Variants in FAM186B observed in about 807,000 individuals in gnomAD.
FAM186B encodes the protein family with sequence similarity 186 member B, also known as protein FAM186B.
FAM186B carries 68 observed loss-of-function variants against 83.4 expected under a neutral mutation model. The observed-to-expected ratio is 0.81, with a 90% CI of 0.67 to 1.00. The LOEUF (loss-of-function observed/expected upper bound fraction) is 1.00. Ranked by LOEUF, FAM186B falls within the 50% of genes least tolerant of loss-of-function variation. The probability of loss-of-function intolerance (pLI) is 0.00; values close to 1 mark genes in which losing one functional copy is unlikely to be tolerated. For missense variants in FAM186B, 983 were observed against 1,099.2 expected (o/e 0.89, Z 1.49); for synonymous variants, 389 against 422.0 (o/e 0.92, Z 0.96).
chr12:49,600,801 TG>T lies in FAM186B; in HGVS notation c.838del (p.Gln280SerfsTer15). ...KELSSQRLHF[Q>X]QFMEVLESRR... ...GCTCTCAAGGACCTCCATGAACTGC[TG>T]GAAGTGCAGCCTCTGGCTGCTGAGC... On this transcript the variant is annotated frameshift_variant, in exon 4 of 7. Transcript: ENST00000257894. LOFTEE classifies it high-confidence loss of function. The surrounding 1 kb of genome is among the most constrained non-coding windows in gnomAD (Gnocchi z 4.3). The T allele has an allele frequency of 6.2e-7, 1 of 1,612,202 alleles. No individual in the cohort carries two copies. Among genetic ancestry groups the T allele is most frequent in the Non-Finnish European group, 8.5e-7 (1 of 1,178,856 alleles).
downstream of FAM186B, among the ~76,000 whole-genome samples, chr12:49,585,379 C>CA (rs1243516948): frequency 6.6e-6 from 1 of 152,158 alleles, no homozygotes; most frequent in Non-Finnish European, 1.5e-5. Context: ...GCATAGCACT[C>CA]AGAGTCAAGG....
upstream of FAM186B, among the ~76,000 whole-genome samples, chr12:49,607,073 C>T (rs1025632255): frequency 4.0e-5 from 6 of 151,708 alleles, no homozygotes; most frequent in African/African-American, 9.7e-5. Flanking sequence ...TACTTTGAAC[C>T]GAGCAAAAAT....
At chr12:49,620,189 T>C in the FAM186B span, among the ~76,000 whole-genome samples, 1 of 152,308 alleles carries the variant, frequency 6.6e-6, no homozygotes, top group East Asian at 1.9e-4. Context: ...TGTTGAAATG[T>C]CCACCTTCTT....
chr12:49,588,559 C>T lies in FAM186B; in HGVS notation c.2429G>A (p.Cys810Tyr), dbSNP rs76361899. 6.2e-7 allele frequency: 1 copy of T among 1,612,212 alleles called. No individual in the cohort carries two copies. Among genetic ancestry groups the T allele is most frequent in the African/African-American group, 1.3e-5 (1 of 75,022 alleles). ...PEVTSPKPKK[C>Y]KLPAASPRHI... Reference sequence around the variant, plus strand: ...CCGGGGTGAGGCTGCAGGCAACTTGCATTTCTTTGGCTTTGGCGAGGTGAC... The same window carrying T: ...CCGGGGTGAGGCTGCAGGCAACTTGTATTTCTTTGGCTTTGGCGAGGTGAC... Residue 810 changes from cysteine to tyrosine, a missense_variant, in exon 6 of 7, where the codon TGC becomes TAC. By Grantham distance (194) the Cys-to-Tyr change is radical. Coordinates refer to ENST00000257894, the MANE Select transcript of FAM186B (RefSeq NM_032130.3).
chr12:49,588,524 G>T lies in FAM186B; in HGVS notation c.2464C>A (p.Pro822Thr). ...LPAASPRHIR[P>T]SGPTYKQPFL... ...GGCTGCTTGTAGGTGGGGCCACTGG[G>T]GCGGATGTGCCGGGGTGAGGCTGCA... The change falls in exon 6 of 7, where the codon CCC becomes ACC. Residue 822 changes from proline to threonine, a missense_variant. Physicochemically the swap from Pro to Thr is conservative, Grantham distance 38. Transcript: ENST00000257894. 1 of 1,613,510 alleles carries T rather than the reference G, an allele frequency of 6.2e-7. No individual in the cohort carries two copies. The highest frequency in any genetic ancestry group is 8.5e-7 in the Non-Finnish European group (1 of 1,179,732).
At chr12:49,621,680 T>A in the FAM186B span, among the ~76,000 whole-genome samples, 16 of 152,220 alleles carry the variant, frequency 1.1e-4, no homozygotes, top group Non-Finnish European at 1.8e-4. Flanking sequence ...TAAAAGTTTG[T>A]GCAGGAAAAA....
At chr12:49,616,788 T>G in the FAM186B span, among the ~76,000 whole-genome samples, 2 of 152,220 alleles carry the variant, frequency 1.3e-5, no homozygotes, top group African/African-American at 2.4e-5. Flanking sequence ...GATGGTCACA[T>G]GACTGGATAC....
At chr12:49,610,426 A>G (rs1940072323), upstream of FAM186B, among the ~76,000 whole-genome samples, 1 of 152,244 alleles carries the variant, frequency 6.6e-6, no homozygotes, top group African/African-American at 2.4e-5. Context: ...AACCTAAAGA[A>G]ACTTCTAAAG....
upstream of FAM186B, among the ~76,000 whole-genome samples, chr12:49,607,420 A>G (rs1166322627): frequency 1.3e-5 from 2 of 152,124 alleles, no homozygotes; most frequent in African/African-American, 4.8e-5. Context: ...TAAAGTTGGT[A>G]AATTAGATGA....
chr12:49,600,071 C>T lies in FAM186B; in HGVS notation c.1569G>A (p.Leu523=). The change falls in exon 4 of 7, where the codon CTG becomes CTA. Residue 523 remains leucine, a synonymous_variant. Coordinates refer to ENST00000257894, the MANE Select transcript of FAM186B (RefSeq NM_032130.3). This position sits in a 1 kb window ranked among gnomAD's most constrained non-coding sequence, Gnocchi z 4.3. ...GCTGTTGCTCCCTGGCCAGGTCTTC[C>T]AGATTCCACTGCCGCAGCTTCTCCT... The part of the protein sequence containing the change: ...EHQEKLRQWN[L]EDLAREQQRR... The T allele has an allele frequency of 6.8e-6, 11 of 1,607,144 alleles. No homozygotes were observed. The highest frequency in any genetic ancestry group is 9.3e-6 in the Non-Finnish European group (11 of 1,176,474).
chr12:49,612,258 T>A, the FAM186B span, among the ~76,000 whole-genome samples: 2 of 151,942 alleles, frequency 1.3e-5, no homozygotes, highest in Admixed American at 1.3e-4. Context: ...CACATAATGA[T>A]ACCAACAGGC....
intron 5 of FAM186B, among the ~76,000 whole-genome samples, chr12:49,590,505 G>A (rs1435446759): frequency 6.6e-6 from 1 of 152,062 alleles, no homozygotes; most frequent in Non-Finnish European, 1.5e-5. Flanking sequence ...TAACATCTTG[G>A]GATTTATTTG....
In FAM186B at chr12:49,599,990, C is replaced by A. The variant is rs954448103; in HGVS notation, c.1650G>T (p.Gln550His). 6 of 1,613,334 alleles carry A rather than the reference C, an allele frequency of 3.7e-6. No homozygotes were observed. Among genetic ancestry groups the A allele is most frequent in the South Asian group, 1.1e-5 (1 of 90,960 alleles). The change falls in exon 4 of 7, where the codon CAG (glutamine) becomes CAT (histidine). Residue 550 changes from glutamine to histidine, a missense_variant. Physicochemically the swap from Gln to His is conservative, Grantham distance 24 (BLOSUM62 0). Coordinates refer to ENST00000257894, the MANE Select transcript of FAM186B (RefSeq NM_032130.3). ...TCCTCCTCTCCACATCCTCCCCTAGCTGCTCTGGCTCTCTCCGTGGGCTCT... is the reference window on the plus strand; with the variant it reads ...TCCTCCTCTCCACATCCTCCCCTAGATGCTCTGGCTCTCTCCGTGGGCTCT... ...EQESPRREPEQLGEDVERRIF... is the reference protein window; with the variant it reads ...EQESPRREPEHLGEDVERRIF...
the FAM186B span, chr12:49,619,279 C>T: frequency 3.8e-6 from 1 of 261,684 alleles, no homozygotes; most frequent in Non-Finnish European, 7.1e-6. Flanking sequence ...GATCAGAAGC[C>T]GGTTGGTGTG....
At position 49,599,556 on chromosome 12, in the gene FAM186B, A is replaced by G; in HGVS notation, c.2084T>C (p.Leu695Pro). 6.2e-7 allele frequency: 1 copy of G among 1,611,158 alleles called. No homozygotes were observed. The highest frequency in any genetic ancestry group is 8.5e-7 in the Non-Finnish European group (1 of 1,178,620). Residue 695 changes from leucine (L) to proline (P), a missense_variant, in exon 4 of 7, where the codon CTC becomes CCC. Coordinates refer to ENST00000257894, the MANE Select transcript of FAM186B (RefSeq NM_032130.3). ...GCCCAGCTCCATGGTGGTGGTGGTG[A>G]GCTCCAGTGCTTTGCTGCGCAGGTA... ...PHYLRSKALE[L>P]TTTTMELGAL...
chr12:49,615,291 T>A, the FAM186B span, among the ~76,000 whole-genome samples: 4 of 151,986 alleles, frequency 2.6e-5, no homozygotes, highest in African/African-American at 7.3e-5. Context: ...AAAATTATGA[T>A]CACAATTACA....
At chr12:49,592,347 C>T (rs1231527095) in intron 5 of FAM186B, among the ~76,000 whole-genome samples, 2 of 151,916 alleles carry the variant, frequency 1.3e-5, no homozygotes, top group African/African-American at 2.4e-5. Context: ...TGGTGTGCAC[C>T]TATAATCTCA....
At chr12:49,620,293 A>G in the FAM186B span, among the ~76,000 whole-genome samples, 5 of 152,140 alleles carry the variant, frequency 3.3e-5, no homozygotes, top group African/African-American at 1.2e-4. Flanking sequence ...TTTGGATGTT[A>G]TATGAGTTCT....
At chr12:49,588,334 G>T in intron 6 of FAM186B, 120 bp downstream of exon 6, 9 of 1,264,436 alleles carry the variant, frequency 7.1e-6, no homozygotes, top group Non-Finnish European at 9.8e-6. Flanking sequence ...TTTGCAACTC[G>T]TAGGGTGATA....
Sources: gnomAD v4.1 joint callset for allele counts (sites outside exome capture counted in the v4.1 genomes callset) on GRCh38, gnomAD v4.1.1 for gene constraint, Gnocchi (gnomAD v3.1) non-coding constraint, MANE v1.5 for transcripts, NCBI Gene and HGNC (gene_info 2026-07-23, HGNC 2026-07-21) for gene names.